UXS1: variants seen among roughly 807,000 people sequenced by gnomAD.
The protein encoded by UXS1 is UDP-glucuronic acid decarboxylase 1.
UXS1 carries 33 observed loss-of-function variants against 62.6 expected under a neutral mutation model. The ratio of observed to expected loss-of-function variants is 0.53; its 90% CI spans 0.40 to 0.70. The LOEUF is 0.70. UXS1 is among the 30% of genes least tolerant of loss of function. The pLI, the probability that UXS1 is intolerant of heterozygous loss-of-function variation, is 0.00. For synonymous variants in UXS1, 213 were observed against 206.8 expected, an observed-to-expected ratio of 1.03 and a Z score of -0.26; for missense variants, 434 against 556.3, an observed-to-expected ratio of 0.78 and a Z score of 2.21.
chr2:106,164,740 T>C lies in UXS1; in HGVS notation c.182A>G (p.Glu61Gly). Residue 61 changes from glutamate to glycine, a missense_variant, in exon 3 of 15, where the codon GAA becomes GGA. Glu to Gly is a moderately conservative substitution (Grantham distance 98, BLOSUM62 -2). This residue lies in a region of UXS1 where 134 missense variants were observed against 251.9 expected (regional missense o/e 0.53). Transcript: ENST00000283148. ...AAAAATAGAAAAAAGACTAACCTCT[T>C]CAATCTTGCTTTCAATTTTTAGTTC... is the stretch of plus-strand genomic sequence containing the variant. Reference protein sequence around the residue: ...NGELKIESKIEEMVEPLREKI... With the variant: ...NGELKIESKIGEMVEPLREKI... 1 of 1,579,252 alleles carries C rather than the reference T, an allele frequency of 6.3e-7. No individual in the cohort carries two copies.
At chr2:106,096,108 T>G (rs541545734) in intron 14 of UXS1, among the ~76,000 whole-genome samples, 3 of 152,090 alleles carry the variant, frequency 2.0e-5, no homozygotes, top group Non-Finnish European at 2.9e-5. Context: ...GCACACTCAA[T>G]AGGCAGGCAA....
chr2:106,188,947 CTT>C (rs1425826066), intron 1 of UXS1, among the ~76,000 whole-genome samples: 4 of 152,136 alleles, frequency 2.6e-5, no homozygotes, highest in African/African-American at 9.7e-5. Context: ...AAAAAGAACT[CTT>C]ATACATGAAA....
rs766505530 is a variant in UXS1 at position 106,112,661 on chromosome 2, C to T, written c.864G>A (p.Gln288=). Residue 288 remains glutamine (Q), a synonymous_variant, in exon 10 of 15, where the codon CAG becomes CAA. Coordinates refer to ENST00000283148, the MANE Select transcript of UXS1 (RefSeq NM_001253875.2). ...VVSNFILQAL[Q]GEPLTVYGSG... ...CAGCACCTACCGTGAGTGGCTCCCC[C>T]TGGAGCGCCTGCAGGATGAAGTTGC... The T allele has an allele frequency of 6.8e-5, 109 of 1,613,880 alleles. 2 individuals carry two copies. The South Asian group carries it at 1.1e-3, about 17-fold the overall frequency.
At chr2:106,166,188 A>T (rs1055020493) in intron 1 of UXS1, 105 bp from the exon 2 acceptor site, 4 of 1,155,596 alleles carry the variant, frequency 3.5e-6, no homozygotes, top group Admixed American at 2.6e-5. Flanking sequence ...TTTTACAAAG[A>T]AAATTAACTT....
At chr2:106,192,119 G>A (rs1340895501) in intron 1 of UXS1, among the ~76,000 whole-genome samples, 1 of 152,294 alleles carries the variant, frequency 6.6e-6, no homozygotes, top group East Asian at 1.9e-4. Context: ...GAGAATCAAC[G>A]TGCTACACTA....
In UXS1 at chr2:106,123,294, A is replaced by G. The variant is rs1040438932; in HGVS notation, c.638-203T>C. ...ATTAAGCAATGACAATATTTTACTT[A>G]CAGGGGAAAAAAAAAAAGAAAAAGA... is the stretch of plus-strand genomic sequence containing the variant. On this transcript the variant is annotated intron_variant, in intron 8 of 14. Coordinates refer to ENST00000283148, the MANE Select transcript of UXS1 (RefSeq NM_001253875.2). Among the ~76,000 whole-genome samples, 3 of 42,838 alleles carry G rather than the reference A, an allele frequency of 7.0e-5. No homozygotes were observed. The East Asian group carries it at 1.0e-3, about 15-fold the overall frequency. The allele number at this position is 42,838 out of a possible 152,430, so 28.1% of individuals were successfully genotyped here.
Position 106,101,129 on chromosome 2 carries a change from A to AG in UXS1, c.924-12dup, listed in dbSNP as rs751156071. 1 of 1,613,610 alleles carries AG rather than the reference A, an allele frequency of 6.2e-7. No homozygotes were observed. The highest frequency in any genetic ancestry group is 1.7e-5 in the Admixed American group (1 of 59,976). Reference sequence around the variant, plus strand: ...CCATTCACTAGATCGCTGGAAAAAAAGGGGAGGCAGGTGAGGCTCTGCCTG... The same window carrying AG: ...CCATTCACTAGATCGCTGGAAAAAAAGGGGGAGGCAGGTGAGGCTCTGCCTG... On this transcript the variant is annotated splice_polypyrimidine_tract_variant and intron_variant, in intron 11 of 14. Transcript: ENST00000283148.
At chr2:106,145,160 GAAT>G in intron 6 of UXS1, 27 bp downstream of exon 6, 1 of 1,603,956 alleles carries the variant, frequency 6.2e-7, no homozygotes, top group Non-Finnish European at 8.5e-7. Flanking sequence ...GCGGAGCTCT[GAAT>G]AATAACAATG....
chr2:106,130,488 A>G (rs1680356424), intron 6 of UXS1, among the ~76,000 whole-genome samples: 1 of 152,224 alleles, frequency 6.6e-6, no homozygotes, highest in Non-Finnish European at 1.5e-5. Context: ...CCTTCCAGAC[A>G]AAGTCCATGT....
intron 9 of UXS1, among the ~76,000 whole-genome samples, chr2:106,118,208 G>A (rs1679215540): frequency 7.4e-6 from 1 of 136,006 alleles, no homozygotes; most frequent in South Asian, 2.6e-4. Flanking sequence ...CACTGCACCT[G>A]GTTTGGCTGC....
chr2:106,107,980 G>A (rs974684905), intron 10 of UXS1, among the ~76,000 whole-genome samples: 2 of 152,248 alleles, frequency 1.3e-5, no homozygotes, highest in African/African-American at 4.8e-5. Context: ...GCAGTGGAAA[G>A]GCGTGGATCC....
At chr2:106,094,205 A>G in intron 14 of UXS1, 48 bp from the exon 15 acceptor site, 1 of 896,442 alleles carries the variant, frequency 1.1e-6, no homozygotes. Context: ...CATTGACAGA[A>G]GGGCATCGCA....
chr2:106,131,231 C>T (rs1184726709), intron 6 of UXS1, among the ~76,000 whole-genome samples: 3 of 149,690 alleles, frequency 2.0e-5, no homozygotes, highest in Admixed American at 1.3e-4. Context: ...GAGACTATAT[C>T]CCACACCTGG....
chr2:106,107,089 T>C (rs1678143940), intron 10 of UXS1, among the ~76,000 whole-genome samples: 1 of 152,164 alleles, frequency 6.6e-6, no homozygotes, highest in Non-Finnish European at 1.5e-5. Context: ...CGTCACAGGC[T>C]CCTCCACAGG....
chr2:106,146,772 CAAAAAAA>C lies in UXS1; in HGVS notation c.292-1409_292-1403del, dbSNP rs55896853. Among the ~76,000 whole-genome samples, 30 of 45,234 alleles carry C rather than the reference CAAAAAAA, an allele frequency of 6.6e-4. 1 individual carries two copies. The highest frequency in any genetic ancestry group is 2.9e-3 in the African/African-American group (25 of 8,638). The allele number at this position is 45,234 out of a possible 152,430, so 29.7% of individuals were successfully genotyped here. On this transcript the variant is annotated intron_variant, in intron 5 of 14. Coordinates refer to ENST00000283148, the MANE Select transcript of UXS1 (RefSeq NM_001253875.2). ...CTGGGTGACAGAGAAGACTCCATCT[CAAAAAAA>C]AAAAAAAAAAAAAAAAAGAAGCCAT...
intron 6 of UXS1, among the ~76,000 whole-genome samples, chr2:106,142,898 T>G (rs1390993805): frequency 7.0e-6 from 1 of 142,788 alleles, no homozygotes; most frequent in Non-Finnish European, 1.6e-5. Context: ...AATGTGTGGG[T>G]GTGTGGGTGT....
intron 1 of UXS1, among the ~76,000 whole-genome samples, chr2:106,169,486 C>T (rs1199564242): frequency 1.3e-5 from 2 of 152,138 alleles, no homozygotes; most frequent in Non-Finnish European, 2.9e-5. Flanking sequence ...CACTTGAGCT[C>T]TGGAGTTTGA....
At chr2:106,108,982 A>AC (rs1316271102) in intron 10 of UXS1, among the ~76,000 whole-genome samples, 1 of 151,332 alleles carries the variant, frequency 6.6e-6, no homozygotes, top group Admixed American at 6.6e-5. Flanking sequence ...GACATTCCTC[A>AC]CCCCCCATAT....
At chr2:106,129,010 G>A (rs1264142446) in intron 7 of UXS1, among the ~76,000 whole-genome samples, 1 of 152,138 alleles carries the variant, frequency 6.6e-6, no homozygotes, top group Non-Finnish European at 1.5e-5. Context: ...AAAAAACTGT[G>A]CCAAATTTAA....
Sources: gnomAD v4.1 joint callset for allele counts (sites outside exome capture counted in the v4.1 genomes callset) on GRCh38, gnomAD v4.1.1 for gene constraint, gnomAD v4.1.1 regional missense constraint, MANE v1.5 for transcripts, NCBI Gene and HGNC (gene_info 2026-07-23, HGNC 2026-07-21) for gene names.